Variants in CCDC171 observed in about 807,000 individuals in gnomAD.
CCDC171 encodes coiled-coil domain-containing protein 171.
CCDC171 carries 177 observed loss-of-function variants against 168.2 expected under a neutral mutation model. The observed-to-expected ratio is 1.05, with a 90% CI of 0.93 to 1.19. The LOEUF (loss-of-function observed/expected upper bound fraction) is 1.19. CCDC171 is among the 50% of genes most tolerant of loss of function. The probability of loss-of-function intolerance (pLI) is 0.00; values close to 1 mark genes in which losing one functional copy is unlikely to be tolerated. For synonymous variants in CCDC171, 687 were observed against 540.8 expected (o/e 1.27, Z -3.75); for missense variants, 1,991 against 1,539.0 (o/e 1.29, Z -4.91).
chr9:15,943,851 C>A (rs1827993211), intron 25 of CCDC171, among the ~76,000 whole-genome samples: 1 of 151,816 alleles, frequency 6.6e-6, no homozygotes, highest in Non-Finnish European at 1.5e-5. Flanking sequence ...GTGATAAATG[C>A]TCATGGGGTT....
intron 6 of CCDC171, among the ~76,000 whole-genome samples, chr9:15,599,608 A>G (rs1242538266): frequency 6.6e-6 from 1 of 152,066 alleles, no homozygotes; most frequent in East Asian, 1.9e-4. Context: ...AACTTTGGTG[A>G]ATCTGACAAT....
At chr9:15,700,831 C>G (rs143768810) in intron 11 of CCDC171, among the ~76,000 whole-genome samples, 1 of 151,910 alleles carries the variant, frequency 6.6e-6, no homozygotes, top group Non-Finnish European at 1.5e-5. Flanking sequence ...TTCATAATAG[C>G]TGTACTAATT....
intron 11 of CCDC171, among the ~76,000 whole-genome samples, chr9:15,706,325 T>A (rs552337051): frequency 6.6e-6 from 1 of 152,136 alleles, no homozygotes; most frequent in South Asian, 2.1e-4. Context: ...GATCTCACTC[T>A]GTTGGTTGGG....
At chr9:15,881,259 AAAC>A (rs544816277) in intron 24 of CCDC171, among the ~76,000 whole-genome samples, 24 of 152,336 alleles carry the variant, frequency 1.6e-4, no homozygotes, top group African/African-American at 5.8e-4. Context: ...ATGCTAAACA[AAAC>A]AAAGTATTAC....
chr9:15,909,845 A>G (rs983322666), intron 24 of CCDC171, among the ~76,000 whole-genome samples: 2 of 152,060 alleles, frequency 1.3e-5, no homozygotes, highest in Non-Finnish European at 2.9e-5. Context: ...TTATTTTTAC[A>G]TATTTAGGAG....
intron 21 of CCDC171, among the ~76,000 whole-genome samples, chr9:15,793,946 T>G: frequency 6.6e-6 from 1 of 152,202 alleles, no homozygotes; most frequent in South Asian, 2.1e-4. Context: ...GATAGTTTTG[T>G]TTTTTGTTTT....
intron 21 of CCDC171, among the ~76,000 whole-genome samples, chr9:15,814,336 G>A (rs1181494360): frequency 1.3e-5 from 2 of 152,078 alleles, no homozygotes; most frequent in Non-Finnish European, 2.9e-5. Context: ...TGTTTCATCT[G>A]TTAAAAACAA....
At chr9:15,858,300 T>A (rs1448963092) in intron 23 of CCDC171, among the ~76,000 whole-genome samples, 1 of 152,128 alleles carries the variant, frequency 6.6e-6, no homozygotes, top group African/African-American at 2.4e-5. Context: ...ATTACAGGCA[T>A]GAGCCACTGC....
intron 18 of CCDC171, among the ~76,000 whole-genome samples, chr9:15,765,365 GA>G (rs113337586): frequency 4.0e-5 from 6 of 151,284 alleles, no homozygotes; most frequent in South Asian, 2.1e-4. Context: ...ACGAATGAAA[GA>G]AAAAAAAATC....
rs547449582 is a variant in CCDC171 at position 15,820,207 on chromosome 9, T to A, written c.3268-26495T>A. ...TTCAAAGCAGTGTGTAGAGGGAAAT[T>A]TTTAGCACTAAATGCCCACAAGAGA... On this transcript the variant is annotated intron_variant, in intron 21 of 25. Transcript: ENST00000380701. 1.5e-4 allele frequency among the ~76,000 whole-genome samples: 14 copies of A among 95,574 alleles called. 3 individuals carry two copies. In the East Asian group the frequency reaches 1.5e-3, roughly 11 times the overall value. 62.7% of individuals were successfully genotyped at this position (95,574 alleles called of 152,430 possible).
chr9:16,085,281 T>C, the CCDC171 span, among the ~76,000 whole-genome samples: 1 of 152,232 alleles, frequency 6.6e-6, no homozygotes, highest in African/African-American at 2.4e-5. Context: ...TTATAAGCAG[T>C]AATGTTTTAA....
At chr9:15,965,691 G>GGGA (rs1830724250) in intron 25 of CCDC171, among the ~76,000 whole-genome samples, 1 of 83,262 alleles carries the variant, frequency 1.2e-5, no homozygotes, top group Non-Finnish European at 2.5e-5. Flanking sequence ...AAAAAGAGAA[G>GGGA]GGAAGATATG....
At chr9:15,875,718 T>G (rs925046275) in intron 24 of CCDC171, 2 of 152,034 alleles carry the variant, frequency 1.3e-5, no homozygotes. Flanking sequence ...ATTTTTTATA[T>G]GCTCCATATC....
chr9:16,029,280 T>C (rs567655653), intron 6 of CCDC171, among the ~76,000 whole-genome samples: 1 of 149,294 alleles, frequency 6.7e-6, no homozygotes, highest in African/African-American at 2.4e-5. Context: ...CCATAATTCA[T>C]GCCCACAAAA....
intron 11 of CCDC171, among the ~76,000 whole-genome samples, chr9:15,703,376 A>T (rs879616486): frequency 2.1e-4 from 32 of 152,168 alleles, no homozygotes; most frequent in Admixed American, 1.2e-3. Flanking sequence ...AGAAAGGCGA[A>T]TCCTTGTTTA....
intron 24 of CCDC171, chr9:15,888,026 A>C (rs10756715): frequency 0.36 from 55,040 of 152,132 alleles, 12,380 homozygotes; most frequent in East Asian, 0.62. Flanking sequence ...AGTCTCCATA[A>C]GGTGACCCTA....
chr9:15,646,216 C>T (rs1002585508), intron 7 of CCDC171, among the ~76,000 whole-genome samples: 3 of 152,236 alleles, frequency 2.0e-5, no homozygotes, highest in Admixed American at 6.5e-5. Flanking sequence ...TTGTCACCAC[C>T]AGGCCTGCCT....
At chr9:15,846,944 GAAAACAA>G in intron 22 of CCDC171, 97 bp downstream of exon 22, 1 of 984,214 alleles carries the variant, frequency 1.0e-6, no homozygotes, top group Non-Finnish European at 1.4e-6. Context: ...TACAGTGTTA[GAAAACAA>G]AAGTACAGCT....
chr9:15,912,136 G>C (rs1823753984), intron 24 of CCDC171, among the ~76,000 whole-genome samples: 1 of 152,132 alleles, frequency 6.6e-6, no homozygotes, highest in African/African-American at 2.4e-5. Flanking sequence ...AAATTACTTT[G>C]GGCAGTATAG....
Sources: allele counts gnomAD v4.1 joint callset (sites outside exome capture counted in the v4.1 genomes callset), GRCh38; gene constraint gnomAD v4.1.1; transcripts MANE v1.5; gene names NCBI Gene and HGNC (gene_info 2026-07-23, HGNC 2026-07-21).